Variants in SNX13 observed in about 807,000 individuals in gnomAD.
The protein encoded by SNX13 is sorting nexin-13.
In SNX13, 45 loss-of-function variants were observed where a neutral mutation model predicts 133.6. That is an observed-to-expected ratio of 0.34 (90% CI 0.27 to 0.43). The LOEUF is 0.43. SNX13 is among the 20% of genes least tolerant of loss of function. The pLI, the probability that SNX13 is intolerant of heterozygous loss-of-function variation, is 1.00. For synonymous variants in SNX13, 414 were observed against 373.9 expected (o/e 1.11, Z -1.24); for missense variants, 1,032 against 1,145.1 (o/e 0.90, Z 1.43).
chr7:17,893,712 T>C (rs1304691147), intron 2 of SNX13, among the ~76,000 whole-genome samples: 1 of 152,134 alleles, frequency 6.6e-6, no homozygotes, highest in Non-Finnish European at 1.5e-5. Flanking sequence ...TGGTGGCTCA[T>C]GCCTGTAATC....
At chr7:17,828,752 C>T (rs189326905) in intron 16 of SNX13, among the ~76,000 whole-genome samples, 1 of 151,052 alleles carries the variant, frequency 6.6e-6, no homozygotes, top group East Asian at 1.9e-4. Flanking sequence ...TACCATGTGA[C>T]AAAAGAGACT....
intron 15 of SNX13, among the ~76,000 whole-genome samples, chr7:17,833,452 G>GTC (rs1788755804): frequency 6.6e-6 from 1 of 151,634 alleles, no homozygotes; most frequent in African/African-American, 2.4e-5. Flanking sequence ...CACACAGGTA[G>GTC]TAAGTGATAG....
At chr7:17,888,415 A>T (rs1288740192) in intron 5 of SNX13, 2 of 222,992 alleles carry the variant, frequency 9.0e-6, no homozygotes, top group Admixed American at 1.1e-4. Context: ...AAACAGGGAA[A>T]GTATTGCAAT....
At chr7:17,847,164 TA>T (rs1156460808) in intron 11 of SNX13, among the ~76,000 whole-genome samples, 1 of 152,202 alleles carries the variant, frequency 6.6e-6, no homozygotes, top group African/African-American at 2.4e-5. Context: ...AGTGAAACCG[TA>T]TCTTTCTTCT....
chr7:17,805,862 T>G (rs1351744797), intron 20 of SNX13, among the ~76,000 whole-genome samples: 1 of 152,138 alleles, frequency 6.6e-6, no homozygotes, highest in Non-Finnish European at 1.5e-5. Context: ...AGCATTTGTA[T>G]TAGGAGGGAA....
intron 11 of SNX13, among the ~76,000 whole-genome samples, chr7:17,846,071 T>C (rs955825415): frequency 6.6e-6 from 1 of 152,144 alleles, no homozygotes; most frequent in African/African-American, 2.4e-5. Flanking sequence ...AACATTTTCA[T>C]GTATAAAGTC....
chr7:17,844,361 T>C (rs575713088), intron 12 of SNX13, among the ~76,000 whole-genome samples: 7 of 151,274 alleles, frequency 4.6e-5, no homozygotes, highest in East Asian at 1.9e-4. Context: ...CATGAAGGAA[T>C]TGAAAATCTG....
At chr7:17,882,174 C>G (rs1222498117) in intron 5 of SNX13, 1 of 152,144 alleles carries the variant, frequency 6.6e-6, no homozygotes, top group African/African-American at 2.4e-5. Context: ...GCCTCTGCCC[C>G]CTCTTCACTT....
intron 1 of SNX13, among the ~76,000 whole-genome samples, chr7:17,919,340 T>A (rs752682854): frequency 6.6e-6 from 1 of 152,188 alleles, no homozygotes; most frequent in Non-Finnish European, 1.5e-5. Flanking sequence ...CACCCTATTA[T>A]AAGGTGACAT....
chr7:17,923,690 A>T (rs1408504840), intron 1 of SNX13, among the ~76,000 whole-genome samples: 2 of 152,180 alleles, frequency 1.3e-5, no homozygotes, highest in African/African-American at 4.8e-5. Context: ...GAGAACAGAG[A>T]AACAAATACT....
At chr7:17,832,597 G>C (rs1473623501) in intron 15 of SNX13, 2 of 479,374 alleles carry the variant, frequency 4.2e-6, no homozygotes, top group African/African-American at 2.1e-5. Context: ...AAATTTCATA[G>C]CATCTCTATA....
chr7:17,820,784 A>T (rs970114605), intron 18 of SNX13, among the ~76,000 whole-genome samples: 1 of 152,136 alleles, frequency 6.6e-6, no homozygotes, highest in African/African-American at 2.4e-5. Flanking sequence ...CCAGTTGTAT[A>T]CCTAAAATCC....
At chr7:17,826,114 C>T in intron 16 of SNX13, 23 bp from the exon 17 acceptor site, 2 of 1,487,732 alleles carry the variant, frequency 1.3e-6, no homozygotes, top group Non-Finnish European at 9.0e-7. Flanking sequence ...AATCAGGAAA[C>T]AAATTTTTAA....
At chr7:17,847,198 A>G (rs544997694) in intron 11 of SNX13, among the ~76,000 whole-genome samples, 8 of 151,472 alleles carry the variant, frequency 5.3e-5, no homozygotes, top group Admixed American at 5.3e-4. Flanking sequence ...ACGAGTATAT[A>G]AACTAGTTTT....
At position 17,798,696 on chromosome 7, in the gene SNX13, C is replaced by T. The variant is rs762593715; in HGVS notation, c.2507G>A (p.Arg836His). The change falls in exon 24 of 26, where the codon CGT becomes CAT. Residue 836 changes from arginine to histidine, a missense_variant. Coordinates refer to ENST00000428135, the MANE Select transcript of SNX13 (RefSeq NM_015132.5). ...ACTGTGTCTTAAGATATACCTGAAA[C>T]GTTTCACTGAGTCGGCTACTTGTTC... ...SPEQVADSVK[R>H]FRDAFWPNGI... 4.4e-6 allele frequency: 7 copies of T among 1,574,870 alleles called. No homozygotes were observed. In the Admixed American group the frequency reaches 5.6e-5, roughly 13 times the overall value.
chr7:17,844,571 A>G (rs1419591674), intron 12 of SNX13, among the ~76,000 whole-genome samples: 1 of 152,082 alleles, frequency 6.6e-6, no homozygotes, highest in Non-Finnish European at 1.5e-5. Flanking sequence ...ATTATCCTGA[A>G]AACAGAACCA....
intron 9 of SNX13, among the ~76,000 whole-genome samples, chr7:17,865,146 A>C (rs1485270151): frequency 6.6e-6 from 1 of 152,224 alleles, no homozygotes; most frequent in Non-Finnish European, 1.5e-5. Context: ...ATGAGCAATA[A>C]GAAATCACCT....
intron 1 of SNX13, among the ~76,000 whole-genome samples, chr7:17,922,837 T>C (rs1230998216): frequency 1.3e-5 from 2 of 152,174 alleles, no homozygotes; most frequent in Admixed American, 6.5e-5. Context: ...TTTTTTAAAA[T>C]GTAATGAAAA....
At chr7:17,901,813 T>C (rs1054782589) in intron 1 of SNX13, among the ~76,000 whole-genome samples, 3 of 152,202 alleles carry the variant, frequency 2.0e-5, no homozygotes, top group Non-Finnish European at 4.4e-5. Context: ...AGGTGCTTTA[T>C]ATGTGGATAG....
Sources: gnomAD v4.1 joint callset for allele counts (sites outside exome capture counted in the v4.1 genomes callset) on GRCh38, gnomAD v4.1.1 for gene constraint, MANE v1.5 for transcripts, NCBI Gene and HGNC (gene_info 2026-07-23, HGNC 2026-07-21) for gene names.